The following PCDHGB1 variants were observed in gnomAD, a reference collection of about 807,000 sequenced individuals.
PCDHGB1 encodes the protein protocadherin gamma-B1.
Under a neutral mutation model 56.6 loss-of-function variants are expected in PCDHGB1, and 34 were observed. The observed-to-expected ratio is 0.60, with a 90% CI of 0.46 to 0.80. PCDHGB1 has a LOEUF of 0.80. Among genes scored for constraint, PCDHGB1 ranks in the 30% least tolerant of loss-of-function variants. PCDHGB1 has a pLI of 0.00. For missense variants in PCDHGB1, 1,278 were observed against 1,204.6 expected (o/e 1.06, Z -0.90); for synonymous variants, 561 against 505.9 (o/e 1.11, Z -1.46).
chr5:141,433,001 G>A (rs1361701281), intron 1 of PCDHGB1: 39 of 1,614,156 alleles, frequency 2.4e-5, no homozygotes, highest in Non-Finnish European at 3.1e-5. Context: ...CGGGGTGCAG[G>A]CTTTCCTGCA....
Position 141,489,381 on chromosome 5 carries a change from T to C in PCDHGB1, c.2410-5426T>C. 3 of 1,613,894 alleles carry C rather than the reference T, an allele frequency of 1.9e-6. No individual in the cohort carries two copies. The highest frequency in any genetic ancestry group is 2.5e-6 in the Non-Finnish European group (3 of 1,179,802). On this transcript the variant is annotated intron_variant, in intron 1 of 3. Coordinates refer to ENST00000523390, the MANE Select transcript of PCDHGB1 (RefSeq NM_018922.3). The surrounding 1 kb of genome is among the most constrained non-coding windows in gnomAD (Gnocchi z 4.5). ...CTGAGCCGGGGACGCTGGTGGGGAA[T>C]GTTGCTCAGGATCTGGGCTTAAAGA...
chr5:141,432,627 C>T lies in PCDHGB1; in HGVS notation c.2410-62180C>T. ...GGACTCTTCTCGGTGGGTCTGCACA[C>T]GGGCGAGGTGCGCACGGCGCGAGCC... On this transcript the variant is annotated intron_variant, in intron 1 of 3. Coordinates refer to ENST00000523390, the MANE Select transcript of PCDHGB1 (RefSeq NM_018922.3). This position sits in a 1 kb window ranked among gnomAD's most constrained non-coding sequence, Gnocchi z 6.0. 1.2e-6 allele frequency: 2 copies of T among 1,613,770 alleles called. No individual in the cohort carries two copies. Among genetic ancestry groups the T allele is most frequent in the Non-Finnish European group, 1.7e-6 (2 of 1,179,944 alleles).
At chr5:141,482,458 C>T (rs986628162) in intron 1 of PCDHGB1, among the ~76,000 whole-genome samples, 1 of 147,624 alleles carries the variant, frequency 6.8e-6, no homozygotes, top group Non-Finnish European at 1.5e-5. Context: ...ATTAGCATCC[C>T]TATGTGCCAG....
At chr5:141,410,469 T>C in intron 1 of PCDHGB1, 1 of 1,614,026 alleles carries the variant, frequency 6.2e-7, no homozygotes, top group Non-Finnish European at 8.5e-7. Context: ...AATCTGTGCA[T>C]TGCACATACG....
chr5:141,423,213 C>A, intron 1 of PCDHGB1: 1 of 1,613,710 alleles, frequency 6.2e-7, no homozygotes, highest in Non-Finnish European at 8.5e-7. Flanking sequence ...TCACGCTCAC[C>A]GTGGCTGTGG....
rs1441582051 is a variant in PCDHGB1, at chr5:141,487,416, G to A, written c.2410-7391G>A. 1 of 1,614,088 alleles carries A rather than the reference G, an allele frequency of 6.2e-7. No individual in the cohort carries two copies. Among genetic ancestry groups the A allele is most frequent in the Admixed American group, 1.7e-5 (1 of 60,024 alleles). On this transcript the variant is annotated intron_variant, in intron 1 of 3. Coordinates refer to ENST00000523390, the MANE Select transcript of PCDHGB1 (RefSeq NM_018922.3). The surrounding 1 kb of genome is among the most constrained non-coding windows in gnomAD (Gnocchi z 5.0). ...AGGGAGGGGCTTCCCCCTTCCAATGGGATCCTCCGAATCCAGCTAGGGTCA... is the reference window on the plus strand; with the variant it reads ...AGGGAGGGGCTTCCCCCTTCCAATGAGATCCTCCGAATCCAGCTAGGGTCA...
Position 141,487,925 on chromosome 5 carries a change from C to T in PCDHGB1, c.2410-6882C>T. 4.8e-6 allele frequency: 3 copies of T among 629,734 alleles called. No homozygotes were observed. The highest frequency in any genetic ancestry group is 8.3e-6 in the Non-Finnish European group (3 of 362,440). 39.0% of individuals were successfully genotyped at this position (629,734 alleles called of 1,614,324 possible). On this transcript the variant is annotated intron_variant, in intron 1 of 3. Coordinates refer to ENST00000523390, the MANE Select transcript of PCDHGB1 (RefSeq NM_018922.3). The surrounding 1 kb of genome is among the most constrained non-coding windows in gnomAD (Gnocchi z 5.0). ...TGTGGGAGCACAGGAGGCTACAGTGCACAGGGTACAGTGCACCAGGCAGTC... is the reference window on the plus strand; with the variant it reads ...TGTGGGAGCACAGGAGGCTACAGTGTACAGGGTACAGTGCACCAGGCAGTC...
chr5:141,413,227 G>T (rs552225139), intron 1 of PCDHGB1: 2 of 1,613,938 alleles, frequency 1.2e-6, no homozygotes, highest in South Asian at 2.2e-5. Flanking sequence ...CAGCGGGCTG[G>T]TCCTGCTCTG....
chr5:141,489,271 G>A lies in PCDHGB1; in HGVS notation c.2410-5536G>A, dbSNP rs1431562179. The A allele has an allele frequency of 2.4e-5, 37 of 1,554,676 alleles. No individual in the cohort carries two copies. The highest frequency in any genetic ancestry group is 3.0e-5 in the Non-Finnish European group (35 of 1,150,770). ...GCCCAAGACACTCCCACAGCTCGCT[G>A]GGAAATGGCAAGTGCTGTGCATGTT... On this transcript the variant is annotated intron_variant, in intron 1 of 3. Transcript: ENST00000523390. The surrounding 1 kb of genome is among the most constrained non-coding windows in gnomAD (Gnocchi z 4.5).
intron 1 of PCDHGB1, chr5:141,428,003 C>A (rs1175875944): frequency 2.5e-6 from 4 of 1,601,244 alleles, no homozygotes; most frequent in Non-Finnish European, 3.4e-6. Context: ...CCGCACTCTT[C>A]GATATAGTGC....
chr5:141,374,153 T>TG (rs1373211276), intron 1 of PCDHGB1: 5 of 1,612,056 alleles, frequency 3.1e-6, no homozygotes, highest in African/African-American at 2.7e-5. Flanking sequence ...GGGGACGCTG[T>TG]GGGGGGCCGC....
chr5:141,351,804 C>T lies in PCDHGB1; in HGVS notation c.1544C>T (p.Ala515Val), dbSNP rs752529043. 4 of 1,613,328 alleles carry T rather than the reference C, an allele frequency of 2.5e-6. No individual in the cohort carries two copies. In the South Asian group the frequency reaches 3.3e-5, roughly 13 times the overall value. The change falls in exon 1 of 4, where the codon GCC becomes GTC. Residue 515 changes from alanine to valine, a missense_variant. By Grantham distance (64) the Ala-to-Val change is moderately conservative (BLOSUM62 0). Transcript: ENST00000523390. Reference sequence around the variant, plus strand: ...AGCGGGGTGGTGTTCGCGCAGCGCGCCTTCGACCACGAGCAGCTGCGCGCC... The same window carrying T: ...AGCGGGGTGGTGTTCGCGCAGCGCGTCTTCGACCACGAGCAGCTGCGCGCC... Reference protein sequence around the residue: ...PQSGVVFAQRAFDHEQLRAFE... With the variant: ...PQSGVVFAQRVFDHEQLRAFE...
chr5:141,420,004 G>C (rs768411058), intron 1 of PCDHGB1: 4 of 1,614,084 alleles, frequency 2.5e-6, no homozygotes, highest in Non-Finnish European at 3.4e-6. Flanking sequence ...CTCTACGCCT[G>C]CGACAGTCTT....
intron 1 of PCDHGB1, among the ~76,000 whole-genome samples, chr5:141,438,625 TATATATATATACACACAC>T (rs1351180774): frequency 3.0e-4 from 14 of 46,412 alleles, no homozygotes; most frequent in Middle Eastern, 8.3e-3. Context: ...TATATATATA[TATATATATATACACACAC>T]ACACACACAT....
intron 1 of PCDHGB1, chr5:141,413,170 A>T (rs751830095): frequency 6.3e-7 from 1 of 1,595,602 alleles, no homozygotes; most frequent in South Asian, 1.1e-5. Context: ...CTGTAACCAG[A>T]CTACAATGGC....
intron 3 of PCDHGB1, among the ~76,000 whole-genome samples, chr5:141,508,624 G>A (rs552418899): frequency 3.3e-5 from 5 of 152,256 alleles, no homozygotes; most frequent in African/African-American, 9.6e-5. Context: ...TGGGTGGGCC[G>A]AGCTTCTAGC....
intron 1 of PCDHGB1, among the ~76,000 whole-genome samples, chr5:141,425,318 G>A (rs1304835508): frequency 1.3e-5 from 2 of 152,158 alleles, no homozygotes; most frequent in Non-Finnish European, 2.9e-5. Context: ...TCCCAAGATC[G>A]TGGAGAACAA....
chr5:141,433,038 C>A, intron 1 of PCDHGB1: 3 of 1,614,180 alleles, frequency 1.9e-6, no homozygotes, highest in Non-Finnish European at 2.5e-6. Flanking sequence ...GTTTCCCTCA[C>A]CACGGACTCG....
chr5:141,446,759 G>A (rs983129633), intron 1 of PCDHGB1, among the ~76,000 whole-genome samples: 5 of 152,026 alleles, frequency 3.3e-5, no homozygotes, highest in Admixed American at 1.3e-4. Flanking sequence ...GAGCCACCGC[G>A]CCCAGCCGGT....
Sources: allele counts gnomAD v4.1 joint callset (sites outside exome capture counted in the v4.1 genomes callset), GRCh38; gene constraint gnomAD v4.1.1; non-coding constraint Gnocchi (gnomAD v3.1); transcripts MANE v1.5; gene names NCBI Gene and HGNC (gene_info 2026-07-23, HGNC 2026-07-21).